Variants in NRXN3 observed in about 807,000 individuals in gnomAD.
NRXN3 encodes neurexin III.
Under a neutral mutation model 137.6 loss-of-function variants are expected in NRXN3, and 32 were observed. The ratio of observed to expected loss-of-function variants is 0.23; its 90% CI spans 0.18 to 0.31. NRXN3 has a LOEUF of 0.31. Ranked by LOEUF, NRXN3 falls within the 10% of genes least tolerant of loss-of-function variation. NRXN3 has a pLI of 1.00. For synonymous variants in NRXN3, 798 were observed against 784.5 expected (o/e 1.02, Z -0.29); for missense variants, 1,574 against 2,062.5 (o/e 0.76, Z 4.59).
In NRXN3 at chr14:79,303,035, G is replaced by T. The variant is rs541701246; in HGVS notation, c.3263-164186G>T. 4.0e-5 allele frequency among the ~76,000 whole-genome samples: 6 copies of T among 151,894 alleles called. No homozygotes were observed. The South Asian group carries it at 1.2e-3, about 32-fold the overall frequency. On this transcript the variant is annotated intron_variant, in intron 15 of 20. Transcript: ENST00000335750. ...ACAAACATCCAAACCGTATCAACAG[G>T]GAACTATAGCTCAGGGAGGTTAAGT...
intron 2 of NRXN3, among the ~76,000 whole-genome samples, chr14:78,277,086 A>T (rs1038357804): frequency 2.0e-5 from 3 of 152,066 alleles, no homozygotes; most frequent in East Asian, 1.9e-4. Flanking sequence ...CTTCTAGGGG[A>T]GGCAAGGTGG....
chr14:79,378,381 C>A (rs1599416807), intron 15 of NRXN3, among the ~76,000 whole-genome samples: 1 of 152,266 alleles, frequency 6.6e-6, no homozygotes, highest in East Asian at 1.9e-4. Flanking sequence ...GGATGACCAC[C>A]GTGGGATCCC....
intron 16 of NRXN3, among the ~76,000 whole-genome samples, chr14:79,647,139 C>T (rs2098456417): frequency 7.4e-6 from 1 of 135,890 alleles, no homozygotes; most frequent in Non-Finnish European, 1.7e-5. Flanking sequence ...TTTATTGGCC[C>T]ACTTAAACCT....
intron 4 of NRXN3, among the ~76,000 whole-genome samples, chr14:78,621,583 C>G (rs143977095): frequency 6.6e-6 from 1 of 151,740 alleles, no homozygotes; most frequent in Non-Finnish European, 1.5e-5. Flanking sequence ...GATAATAAAT[C>G]AACATTTCCC....
At chr14:79,132,991 T>TTAGG (rs1244899367) in intron 15 of NRXN3, among the ~76,000 whole-genome samples, 1 of 152,192 alleles carries the variant, frequency 6.6e-6, no homozygotes, top group African/African-American at 2.4e-5. Context: ...GAGCATGATC[T>TTAGG]TAGGCAAGAT....
At chr14:78,688,676 G>A (rs962487829) in intron 6 of NRXN3, among the ~76,000 whole-genome samples, 1 of 152,072 alleles carries the variant, frequency 6.6e-6, no homozygotes, top group Non-Finnish European at 1.5e-5. Flanking sequence ...TGATGGTTTT[G>A]TCTTTTGAAA....
chr14:78,313,248 T>G (rs961186873), intron 4 of NRXN3, among the ~76,000 whole-genome samples: 1 of 152,236 alleles, frequency 6.6e-6, no homozygotes, highest in African/African-American at 2.4e-5. Context: ...GCCAACCTGA[T>G]AGTTGGAAGA....
At chr14:79,375,324 C>T (rs1281157545) in intron 15 of NRXN3, among the ~76,000 whole-genome samples, 1 of 119,448 alleles carries the variant, frequency 8.4e-6, no homozygotes, top group African/African-American at 3.2e-5. Flanking sequence ...TTTCATAGAA[C>T]AAAATTTGGA....
At chr14:78,859,263 C>A (rs1473881385) in intron 10 of NRXN3, among the ~76,000 whole-genome samples, 1 of 152,132 alleles carries the variant, frequency 6.6e-6, no homozygotes, top group Admixed American at 6.6e-5. Flanking sequence ...GTCAATTAAA[C>A]CTCTCTCCTT....
Position 78,954,402 on chromosome 14 carries a change from A to G in NRXN3, c.2276-2840A>G, listed in dbSNP as rs2099392710. Among the ~76,000 whole-genome samples the G allele has an allele frequency of 2.0e-5, 3 of 152,258 alleles. No homozygotes were observed. In the South Asian group the frequency reaches 6.2e-4, roughly 32 times the overall value. ...ATCTTTTTTTTTCTACTTTAAGAAT[A>G]ATAAGAATTGTTACTGTTGGAGGTA... On this transcript the variant is annotated intron_variant, in intron 10 of 20. Transcript: ENST00000335750.
chr14:79,427,984 CGT>C (rs928417303), intron 15 of NRXN3, among the ~76,000 whole-genome samples: 6 of 151,798 alleles, frequency 4.0e-5, no homozygotes, highest in Admixed American at 3.3e-4. Context: ...ACGTTCTGCA[CGT>C]GTGTGTGTGC....
intron 15 of NRXN3, among the ~76,000 whole-genome samples, chr14:79,411,942 A>G (rs2095422831): frequency 6.6e-6 from 1 of 152,132 alleles, no homozygotes; most frequent in Non-Finnish European, 1.5e-5. Context: ...GGTATGTACA[A>G]GGTGCCATGT....
chr14:78,394,906 T>C (rs1410019020), intron 4 of NRXN3, among the ~76,000 whole-genome samples: 3 of 151,844 alleles, frequency 2.0e-5, no homozygotes, highest in Admixed American at 2.0e-4. Context: ...GTTCGGGGGC[T>C]GTAGTGATAT....
chr14:78,444,458 C>T (rs897677962), intron 4 of NRXN3, among the ~76,000 whole-genome samples: 1 of 152,106 alleles, frequency 6.6e-6, no homozygotes, highest in African/African-American at 2.4e-5. Flanking sequence ...TCATTATCAC[C>T]CCTAGTTGTC....
chr14:79,272,948 G>A lies in NRXN3; in HGVS notation c.3263-194273G>A, dbSNP rs546988450. Among the ~76,000 whole-genome samples the A allele has an allele frequency of 2.4e-3, 368 of 152,096 alleles. 4 individuals carry two copies. Among genetic ancestry groups the A allele is most frequent in the Middle Eastern group, 0.014 (4 of 292 alleles). On this transcript the variant is annotated intron_variant, in intron 15 of 20. Transcript: ENST00000335750. ...AGCACTTTGGGAGGCCAAGACGAGC[G>A]GATCACGAGGTCAGGAGATGGAGAC...
At chr14:79,803,212 G>A (rs1392337494) in intron 19 of NRXN3, among the ~76,000 whole-genome samples, 5 of 152,158 alleles carry the variant, frequency 3.3e-5, no homozygotes, top group South Asian at 2.1e-4. Flanking sequence ...GTTCTTTGCT[G>A]TGTCCAGTAA....
At chr14:79,064,073 G>A (rs1432075567) in intron 15 of NRXN3, among the ~76,000 whole-genome samples, 1 of 152,078 alleles carries the variant, frequency 6.6e-6, no homozygotes, top group Non-Finnish European at 1.5e-5. Context: ...TAATTAAACG[G>A]TAAATTACTT....
chr14:79,338,213 A>G (rs1271344663), intron 15 of NRXN3, among the ~76,000 whole-genome samples: 3 of 114,068 alleles, frequency 2.6e-5, no homozygotes, highest in East Asian at 2.3e-4. Flanking sequence ...GTGTGTGTGT[A>G]TGTGAGTGTG....
chr14:78,812,112 A>G (rs1315674314), intron 10 of NRXN3, among the ~76,000 whole-genome samples: 1 of 152,182 alleles, frequency 6.6e-6, no homozygotes, highest in Non-Finnish European at 1.5e-5. Context: ...AGTTGTCCAA[A>G]TATCACCACA....
Sources: gnomAD v4.1 joint callset for allele counts (sites outside exome capture counted in the v4.1 genomes callset) on GRCh38, gnomAD v4.1.1 for gene constraint, MANE v1.5 for transcripts, NCBI Gene and HGNC (gene_info 2026-07-23, HGNC 2026-07-21) for gene names.